MICAL2: variants seen among roughly 807,000 people sequenced by gnomAD.
The protein encoded by MICAL2 is [F-actin]-monooxygenase MICAL2.
Under a neutral mutation model 127.3 loss-of-function variants are expected in MICAL2, and 77 were observed. That is an observed-to-expected ratio of 0.60 (90% confidence interval 0.50 to 0.73). MICAL2 has a LOEUF of 0.73. MICAL2 is among the 30% of genes least tolerant of loss of function. MICAL2 has a pLI of 0.00. For synonymous variants in MICAL2, 570 were observed against 551.1 expected (o/e 1.03, Z -0.48); for missense variants, 1,351 against 1,434.4 (o/e 0.94, Z 0.94).
intron 3 of MICAL2, among the ~76,000 whole-genome samples, chr11:12,193,471 A>T (rs1205849297): frequency 3.9e-5 from 6 of 152,200 alleles, no homozygotes; most frequent in Admixed American, 3.9e-4. Flanking sequence ...CCAGCCTGAG[A>T]CAAAGCTGTT....
chr11:12,328,714 T>C (rs542005573), intron 32 of MICAL2, among the ~76,000 whole-genome samples: 1 of 152,310 alleles, frequency 6.6e-6, no homozygotes, highest in South Asian at 2.1e-4. Flanking sequence ...AACTGAGCAC[T>C]GAAATAATGT....
intron 19 of MICAL2, 56 bp downstream of exon 19, chr11:12,242,488 C>A: frequency 6.5e-7 from 1 of 1,542,018 alleles, no homozygotes; most frequent in Non-Finnish European, 8.8e-7. Context: ...TTCCTTTCTT[C>A]CCCTCCCTCC....
rs1857224959 is a variant in MICAL2, at chr11:12,224,827, CTG to C, written c.1688+8_1688+9del. On this transcript the variant is annotated splice_region_variant and intron_variant, in intron 13 of 27. Transcript: ENST00000683283. ...GCTTCCGGCCTGAGCTCATGTGAGT[CTG>C]GGGCCCAGGCTGGCCCCTGGAGACG... is the stretch of plus-strand genomic sequence containing the variant. 1.2e-6 allele frequency: 2 copies of C among 1,605,986 alleles called. No individual in the cohort carries two copies. Among genetic ancestry groups the C allele is most frequent in the Non-Finnish European group, 1.7e-6 (2 of 1,173,240 alleles).
chr11:12,183,239 G>GT (rs1341290888), intron 3 of MICAL2, among the ~76,000 whole-genome samples: 2 of 151,376 alleles, frequency 1.3e-5, no homozygotes, highest in South Asian at 2.1e-4. Flanking sequence ...GTAATACATT[G>GT]TTGTGGTTTT....
chr11:12,344,909 C>T (rs1295244827), intron 32 of MICAL2, among the ~76,000 whole-genome samples: 1 of 151,140 alleles, frequency 6.6e-6, no homozygotes, highest in African/African-American at 2.4e-5. Flanking sequence ...ATATGGAGAC[C>T]ATCATGGCTA....
intron 34 of MICAL2, among the ~76,000 whole-genome samples, chr11:12,357,082 C>G (rs1939140718): frequency 1.3e-5 from 2 of 152,182 alleles, no homozygotes; most frequent in South Asian, 4.1e-4. Context: ...ACTTGAGGTG[C>G]AGTGGGATGG....
At chr11:12,348,362 C>T (rs1223216221) in intron 32 of MICAL2, among the ~76,000 whole-genome samples, 1 of 151,962 alleles carries the variant, frequency 6.6e-6, no homozygotes, top group East Asian at 1.9e-4. Flanking sequence ...TATTTTTGAT[C>T]CACAGTGGGT....
At chr11:12,293,482 T>C, downstream of MICAL2, 1 of 1,483,912 alleles carries the variant, frequency 6.7e-7, no homozygotes, top group Non-Finnish European at 9.1e-7. Flanking sequence ...GAGGGGGTTG[T>C]AGATTGAGAT....
At chr11:12,235,192 C>T (rs572084459) in intron 15 of MICAL2, among the ~76,000 whole-genome samples, 7 of 152,222 alleles carry the variant, frequency 4.6e-5, no homozygotes, top group South Asian at 2.1e-4. Context: ...CCATGGGGTA[C>T]GGAGGAGGTA....
At chr11:12,172,490 C>G (rs963327603) in intron 3 of MICAL2, among the ~76,000 whole-genome samples, 13 of 152,140 alleles carry the variant, frequency 8.5e-5, no homozygotes, top group African/African-American at 3.1e-4. Context: ...GCAATTAGGT[C>G]TCTTCCTACT....
At chr11:12,216,432 A>T in intron 8 of MICAL2, 113 bp downstream of exon 8, 1 of 779,598 alleles carries the variant, frequency 1.3e-6, no homozygotes, top group Admixed American at 2.0e-5. Context: ...GGAGGGGGGA[A>T]GGTGCCACCA....
downstream of MICAL2, among the ~76,000 whole-genome samples, chr11:12,288,700 G>T (rs1360825872): frequency 6.6e-6 from 1 of 152,198 alleles, no homozygotes; most frequent in African/African-American, 2.4e-5. Flanking sequence ...AATGAAGTAA[G>T]GAACCAAGGA....
At chr11:12,236,953 G>C (rs1467476585) in intron 16 of MICAL2, among the ~76,000 whole-genome samples, 1 of 152,226 alleles carries the variant, frequency 6.6e-6, no homozygotes, top group Non-Finnish European at 1.5e-5. Flanking sequence ...TGATGACTTA[G>C]AGGCATGAGG....
At chr11:12,170,948 G>C (rs1565090564) in intron 3 of MICAL2, among the ~76,000 whole-genome samples, 2 of 152,214 alleles carry the variant, frequency 1.3e-5, no homozygotes, top group African/African-American at 4.8e-5. Flanking sequence ...GAACTCTGTG[G>C]CTCAAAGGGC....
At chr11:12,315,350 C>G (rs1366525266) in intron 29 of MICAL2, among the ~76,000 whole-genome samples, 1 of 152,162 alleles carries the variant, frequency 6.6e-6, no homozygotes, top group East Asian at 1.9e-4. Context: ...ACTGCTTTAG[C>G]TGAATCTTAC....
chr11:12,332,135 T>C (rs976163525), intron 32 of MICAL2, among the ~76,000 whole-genome samples: 4 of 152,228 alleles, frequency 2.6e-5, no homozygotes, highest in African/African-American at 7.2e-5. Flanking sequence ...CTATGGGTTT[T>C]GAGGCATGCC....
intron 10 of MICAL2, 107 bp from the exon 11 acceptor site, chr11:12,222,510 T>C: frequency 7.0e-7 from 1 of 1,436,622 alleles, no homozygotes; most frequent in Non-Finnish European, 9.5e-7. Context: ...TAGACAAACA[T>C]GTCCAGGAAG....
At chr11:12,115,863 C>T (rs1465049059) in intron 1 of MICAL2, among the ~76,000 whole-genome samples, 2 of 152,114 alleles carry the variant, frequency 1.3e-5, no homozygotes, top group South Asian at 2.1e-4. Flanking sequence ...AACGGTTATA[C>T]ATGCAGATAA....
rs184076407 is a variant in MICAL2, at chr11:12,226,304, C to T, written c.1822C>T (p.Leu608Phe). 208 of 1,614,238 alleles carry T rather than the reference C, an allele frequency of 1.3e-4. No homozygotes were observed. The Middle Eastern group carries it at 1.5e-3, about 12-fold the overall frequency. ...GGCATCTGCCCAGGAGCCTGACAAG[C>T]TCAGCATGGTCATGTACCTCTCCAA... is the stretch of plus-strand genomic sequence containing the variant. ...EMASAQEPDK[L>F]SMVMYLSKFY... The change falls in exon 14 of 28, where the codon CTC becomes TTC. Residue 608 changes from leucine (L) to phenylalanine (F), a missense_variant. Transcript: ENST00000683283.
Sources: allele counts gnomAD v4.1 joint callset (sites outside exome capture counted in the v4.1 genomes callset), GRCh38; gene constraint gnomAD v4.1.1; transcripts MANE v1.5; gene names NCBI Gene and HGNC (gene_info 2026-07-23, HGNC 2026-07-21).